The following SMIM17 variants were observed in gnomAD, a reference collection of about 807,000 sequenced individuals.
SMIM17 encodes the protein small integral membrane protein 17.
SMIM17 carries 10 observed loss-of-function variants against 12.2 expected under a neutral mutation model. The ratio of observed to expected loss-of-function variants is 0.82; its 90% CI spans 0.50 to 1.39. The LOEUF (loss-of-function observed/expected upper bound fraction) is 1.39. Among genes scored for constraint, SMIM17 ranks in the 40% most tolerant of loss-of-function variants. SMIM17 has a pLI of 0.00. For synonymous variants in SMIM17, 50 were observed against 44.1 expected, an observed-to-expected ratio of 1.13 and a Z score of -0.53; for missense variants, 136 against 118.2, an observed-to-expected ratio of 1.15 and a Z score of -0.70.
intron 3 of SMIM17, 147 bp downstream of exon 3, chr19:56,647,781 C>A (rs1258513619): frequency 2.9e-6 from 2 of 690,204 alleles, no homozygotes; most frequent in South Asian, 1.8e-5. Flanking sequence ...GGTGATCAGA[C>A]ACAGACTGGA....
chr19:56,649,594 T>C (rs1443112207), intron 3 of SMIM17, among the ~76,000 whole-genome samples: 1 of 151,584 alleles, frequency 6.6e-6, no homozygotes, highest in African/African-American at 2.4e-5. Flanking sequence ...AGCTATTGAG[T>C]GAGGACCTGA....
In SMIM17 at chr19:56,656,938, A is replaced by C. The variant is rs2045156138; in HGVS notation, c.*1725A>C. On this transcript the variant is annotated 3_prime_UTR_variant, in exon 4 of 4. Transcript: ENST00000598409. ...AGATGAAGATATCTTCTCTGTCTGT[A>C]GAACTGAAAACTTTATGTGCCTGTT... Among the ~76,000 whole-genome samples, 2 of 152,224 alleles carry C rather than the reference A, an allele frequency of 1.3e-5. No homozygotes were observed. The highest frequency in any genetic ancestry group is 4.1e-4 in the South Asian group (2 of 4,826).
intron 3 of SMIM17, among the ~76,000 whole-genome samples, chr19:56,649,635 T>C (rs554941336): frequency 1.3e-5 from 2 of 151,896 alleles, no homozygotes; most frequent in African/African-American, 2.4e-5. Context: ...GGCAGATGTC[T>C]AGGGAGAGCG....
chr19:56,646,690 G>C (rs2045066073), intron 2 of SMIM17, among the ~76,000 whole-genome samples: 1 of 152,198 alleles, frequency 6.6e-6, no homozygotes, highest in Admixed American at 6.5e-5. Context: ...GTCCAAGACA[G>C]AGGTGAGGTA....
intron 3 of SMIM17, 131 bp from the exon 4 acceptor site, chr19:56,654,972 C>T (rs1277983816): frequency 8.0e-6 from 4 of 502,136 alleles, no homozygotes; most frequent in East Asian, 3.0e-5. Flanking sequence ...TCAGTTGTAC[C>T]GTTTTAAATT....
chr19:56,655,123 A>T lies in SMIM17; in HGVS notation c.267A>T (p.Lys89Asn). Residue 89 changes from lysine (K) to asparagine (N), a missense_variant, in exon 4 of 4, where the codon AAA becomes AAT. Coordinates refer to ENST00000598409, the MANE Select transcript of SMIM17 (RefSeq NM_001193628.2). The stretch of plus-strand genomic sequence containing the variant: ...TTCAGGGCTTTGTGGAGTGGTCAAA[A>T]GCTCCACAACAAACAACCATAGTCT... Reference protein sequence around the residue: ...EGSQGFVEWSKAPQQTTIVLV... With the variant: ...EGSQGFVEWSNAPQQTTIVLV... 1 of 699,964 alleles carries T rather than the reference A, an allele frequency of 1.4e-6. No individual in the cohort carries two copies. Among genetic ancestry groups the T allele is most frequent in the South Asian group, 1.5e-5 (1 of 67,006 alleles). The allele number at this position is 699,964 out of a possible 1,614,324, so 43.4% of individuals were successfully genotyped here. A position where few individuals can be genotyped will look rare whatever the true frequency, so the allele number is the denominator to read the frequency against.
In SMIM17 at chr19:56,656,359, C is replaced by T. The variant is rs1394780384; in HGVS notation, c.*1146C>T. Among the ~76,000 whole-genome samples, 5 of 151,968 alleles carry T rather than the reference C, an allele frequency of 3.3e-5. No homozygotes were observed. The highest frequency in any genetic ancestry group is 4.8e-5 in the African/African-American group (2 of 41,364). On this transcript the variant is annotated 3_prime_UTR_variant, in exon 4 of 4. Transcript: ENST00000598409. ...ATTTCTCTTTATTTTGTTCTATCCCCTGTTTCCTGTAAACTGCTGTTTGTG... is the reference window on the plus strand; with the variant it reads ...ATTTCTCTTTATTTTGTTCTATCCCTTGTTTCCTGTAAACTGCTGTTTGTG...
chr19:56,648,161 TCCATCCATCCATCC>T (rs2045080997), intron 3 of SMIM17, among the ~76,000 whole-genome samples: 2 of 147,038 alleles, frequency 1.4e-5, no homozygotes, highest in Non-Finnish European at 3.0e-5. Context: ...CATCCATCCA[TCCATCCATCCATCC>T]ATCCATGCAT....
chr19:56,652,043 A>G (rs1964273), intron 3 of SMIM17, among the ~76,000 whole-genome samples: 85,511 of 146,620 alleles, frequency 0.58, 25,078 homozygotes, highest in East Asian at 0.73. Context: ...GGCAGAGGTT[A>G]CAATGAGCTG....
rs1388890639 is a variant in SMIM17, at chr19:56,647,544, C to T, written c.170-14C>T. ...CTCATGGCTCCTTTTTCCTCCACTC[C>T]CACCCTCACCCAGACCTGTCTTCTC... On this transcript the variant is annotated splice_polypyrimidine_tract_variant and intron_variant, in intron 2 of 3. Transcript: ENST00000598409. The T allele has an allele frequency of 2.6e-6, 4 of 1,533,810 alleles. No homozygotes were observed. In the South Asian group the frequency reaches 4.8e-5, roughly 18 times the overall value.
rs372019709 is a variant in SMIM17, at chr19:56,652,888, T to G, written c.247-2215T>G. On this transcript the variant is annotated intron_variant, in intron 3 of 3. Coordinates refer to ENST00000598409, the MANE Select transcript of SMIM17 (RefSeq NM_001193628.2). ...CAAGTAGCGGCCAATACCCCTAGCC[T>G]CCAGGGGAGAGCTGCACCAGCCTGA... Among the ~76,000 whole-genome samples the G allele has an allele frequency of 2.7e-4, 41 of 152,220 alleles. 1 individual carries two copies. Among genetic ancestry groups the G allele is most frequent in the African/African-American group, 9.9e-4 (41 of 41,554 alleles).
intron 3 of SMIM17, among the ~76,000 whole-genome samples, chr19:56,649,472 G>A (rs1266782449): frequency 6.6e-6 from 1 of 152,162 alleles, no homozygotes; most frequent in Non-Finnish European, 1.5e-5. Flanking sequence ...TGGGTTGAGT[G>A]GTGATAACTG....
chr19:56,646,412 C>T (rs2045063559), intron 2 of SMIM17, among the ~76,000 whole-genome samples: 1 of 152,128 alleles, frequency 6.6e-6, no homozygotes, highest in Non-Finnish European at 1.5e-5. Flanking sequence ...CCTCCCCGGA[C>T]GATTTTTGGC....
intron 1 of SMIM17, among the ~76,000 whole-genome samples, 156 bp downstream of exon 1, chr19:56,643,366 G>A (rs762741723): frequency 6.6e-6 from 1 of 152,332 alleles, no homozygotes; most frequent in South Asian, 2.1e-4. Context: ...CAGGGATAGG[G>A]TCCGGGGAGA....
intron 3 of SMIM17, among the ~76,000 whole-genome samples, chr19:56,654,306 C>T (rs988573035): frequency 2.6e-5 from 4 of 152,210 alleles, no homozygotes; most frequent in South Asian, 2.1e-4. Flanking sequence ...AAGAAGAACT[C>T]GTAACTACAA....
intron 1 of SMIM17, among the ~76,000 whole-genome samples, chr19:56,643,793 T>C (rs1189587658): frequency 6.6e-6 from 1 of 152,206 alleles, no homozygotes; most frequent in Non-Finnish European, 1.5e-5. Context: ...ATAGTATCTG[T>C]AGCGAGAAGT....
intron 2 of SMIM17, among the ~76,000 whole-genome samples, chr19:56,646,267 G>A (rs1308001878): frequency 6.6e-6 from 1 of 152,132 alleles, no homozygotes; most frequent in African/African-American, 2.4e-5. Flanking sequence ...TCTCAGGGAT[G>A]GCAAGAGAGG....
At position 56,643,168 on chromosome 19, in the gene SMIM17, G is replaced by A. The variant is rs943483729; in HGVS notation, c.-143G>A. 6.6e-6 allele frequency: 1 copy of A among 152,216 alleles called. No homozygotes were observed. Among genetic ancestry groups the A allele is most frequent in the Non-Finnish European group, 1.5e-5 (1 of 68,072 alleles). 9.4% of individuals were successfully genotyped at this position (152,216 alleles called of 1,614,324 possible). ...GCGTCTGCGCAGCCGCAGTCAGTGC[G>A]GCGCCAGCTCTGCAGAGCCCAGACA... On this transcript the variant is annotated 5_prime_UTR_variant, in exon 1 of 4. Coordinates refer to ENST00000598409, the MANE Select transcript of SMIM17 (RefSeq NM_001193628.2).
At chr19:56,651,999 G>A (rs2045112723) in intron 3 of SMIM17, among the ~76,000 whole-genome samples, 2 of 150,576 alleles carry the variant, frequency 1.3e-5, no homozygotes, top group Non-Finnish European at 2.9e-5. Flanking sequence ...AGCTACTCAG[G>A]AGACTGAGGC....
Sources: allele counts gnomAD v4.1 joint callset (sites outside exome capture counted in the v4.1 genomes callset), GRCh38; gene constraint gnomAD v4.1.1; transcripts MANE v1.5; gene names NCBI Gene and HGNC (gene_info 2026-07-23, HGNC 2026-07-21).